ARL15: variants seen among roughly 807,000 people sequenced by gnomAD.
ARL15 encodes the protein ARF like GTPase 15.
ARL15 carries 19 observed loss-of-function variants against 25.2 expected under a neutral mutation model. The ratio of observed to expected loss-of-function variants is 0.75; its 90% CI spans 0.53 to 1.10. The LOEUF is 1.10. ARL15 is among the 50% of genes least tolerant of loss of function. ARL15 has a pLI of 0.00. For missense variants in ARL15, 220 were observed against 246.0 expected (o/e 0.89, Z 0.71); for synonymous variants, 94 against 86.8 (o/e 1.08, Z -0.46).
At chr5:54,253,035 G>GC (rs1554050646) in intron 1 of ARL15, among the ~76,000 whole-genome samples, 1 of 150,448 alleles carries the variant, frequency 6.6e-6, no homozygotes, top group Non-Finnish European at 1.5e-5. Flanking sequence ...CAGAGGTCAA[G>GC]TTTTTTTTTT....
At chr5:54,165,938 C>A (rs771745340) in intron 2 of ARL15, among the ~76,000 whole-genome samples, 16 of 151,984 alleles carry the variant, frequency 1.1e-4, no homozygotes, top group Non-Finnish European at 2.2e-4. Flanking sequence ...TTATTCTATT[C>A]AGGCCTTCAA....
chr5:54,289,803 T>C (rs1372306091), intron 1 of ARL15, among the ~76,000 whole-genome samples: 7 of 152,180 alleles, frequency 4.6e-5, no homozygotes, highest in African/African-American at 1.4e-4. Context: ...TAAAAGGAAA[T>C]ACAGTAAGCT....
intron 4 of ARL15, among the ~76,000 whole-genome samples, chr5:53,902,353 T>C (rs1335550019): frequency 6.6e-6 from 1 of 152,196 alleles, no homozygotes; most frequent in Non-Finnish European, 1.5e-5. Flanking sequence ...ATTGGCCAAC[T>C]CAAGGGATTC....
intron 4 of ARL15, among the ~76,000 whole-genome samples, chr5:54,045,465 A>T (rs1750476247): frequency 6.6e-6 from 1 of 152,212 alleles, no homozygotes; most frequent in African/African-American, 2.4e-5. Context: ...TTAAAGTGTG[A>T]CTAGATGCAC....
At chr5:54,131,116 T>G (rs772861889) in intron 3 of ARL15, among the ~76,000 whole-genome samples, 18 of 152,164 alleles carry the variant, frequency 1.2e-4, no homozygotes, top group Non-Finnish European at 2.2e-4. Context: ...TGTCATCACC[T>G]CTAGCAGTAA....
chr5:54,038,917 C>A (rs144473270), intron 4 of ARL15, among the ~76,000 whole-genome samples: 1 of 152,230 alleles, frequency 6.6e-6, no homozygotes, highest in African/African-American at 2.4e-5. Context: ...TATGCCTTTA[C>A]AATTCTTTTT....
chr5:53,978,825 C>G (rs1580136369), intron 4 of ARL15, among the ~76,000 whole-genome samples: 1 of 151,968 alleles, frequency 6.6e-6, no homozygotes, highest in African/African-American at 2.4e-5. Flanking sequence ...AGAAGCACAA[C>G]CAATTGAGGT....
chr5:53,912,420 C>G (rs7726392), intron 4 of ARL15, among the ~76,000 whole-genome samples: 4,089 of 152,132 alleles, frequency 0.027, 182 homozygotes, highest in African/African-American at 0.096. Context: ...GAAATGAAAT[C>G]CAACAGTATG....
intron 4 of ARL15, among the ~76,000 whole-genome samples, chr5:53,900,195 T>C (rs1219936112): frequency 6.6e-6 from 1 of 152,176 alleles, no homozygotes; most frequent in South Asian, 2.1e-4. Context: ...AAGCTGAGGT[T>C]TGGTTTCTAG....
intron 4 of ARL15, among the ~76,000 whole-genome samples, chr5:54,031,993 T>C (rs1430962454): frequency 6.6e-6 from 1 of 152,198 alleles, no homozygotes; most frequent in Non-Finnish European, 1.5e-5. Flanking sequence ...AAATAATATA[T>C]AATTGGCATG....
intron 4 of ARL15, among the ~76,000 whole-genome samples, chr5:53,916,292 T>TAAA (rs774093108): frequency 0.18 from 3,398 of 18,526 alleles, 58 homozygotes; most frequent in Non-Finnish European, 0.39. Context: ...AAATGTAATA[T>TAAA]TAAAAAAAAA....
At chr5:54,214,912 A>G (rs1278283698) in intron 1 of ARL15, among the ~76,000 whole-genome samples, 1 of 152,154 alleles carries the variant, frequency 6.6e-6, no homozygotes, top group Admixed American at 6.5e-5. Context: ...GAATGGACAT[A>G]CTGCCTGTCA....
chr5:54,272,359 T>C (rs1407642890), intron 1 of ARL15, among the ~76,000 whole-genome samples: 4 of 151,996 alleles, frequency 2.6e-5, no homozygotes, highest in Admixed American at 2.6e-4. Flanking sequence ...CAAAACAAAT[T>C]ATTCTTCCTA....
rs1744437913 is a variant in ARL15, at chr5:53,884,134, G to A, written c.*2427C>T. 6.6e-6 allele frequency: 1 copy of A among 152,206 alleles called. No homozygotes were observed. The highest frequency in any genetic ancestry group is 1.5e-5 in the Non-Finnish European group (1 of 68,016). The allele number at this position is 152,206 out of a possible 1,614,324, so 9.4% of individuals were successfully genotyped here. On this transcript the variant is annotated 3_prime_UTR_variant, in exon 5 of 5. Transcript: ENST00000504924. ...GCAACCAATACTGTCAACTACAGTGGATACAAAGTTTTATCATATAAATTA... is the reference window on the plus strand; with the variant it reads ...GCAACCAATACTGTCAACTACAGTGAATACAAAGTTTTATCATATAAATTA...
At chr5:54,115,499 T>C (rs1231881453) in intron 3 of ARL15, among the ~76,000 whole-genome samples, 1 of 152,154 alleles carries the variant, frequency 6.6e-6, no homozygotes, top group Non-Finnish European at 1.5e-5. Context: ...ACAGCTCCCA[T>C]TTATTAAACA....
chr5:53,936,044 G>A (rs569469253), intron 4 of ARL15, among the ~76,000 whole-genome samples: 4 of 152,020 alleles, frequency 2.6e-5, no homozygotes, highest in East Asian at 3.9e-4. Flanking sequence ...CATCGTGCCC[G>A]GCCTCTGAGG....
At chr5:54,178,816 T>C (rs1223584296) in intron 1 of ARL15, among the ~76,000 whole-genome samples, 1 of 152,212 alleles carries the variant, frequency 6.6e-6, no homozygotes, top group Non-Finnish European at 1.5e-5. Flanking sequence ...TAACAGTCAG[T>C]TATGGCTCTG....
intron 1 of ARL15, among the ~76,000 whole-genome samples, chr5:54,217,215 TA>T (rs1334045702): frequency 1.5e-4 from 19 of 123,542 alleles, no homozygotes; most frequent in Admixed American, 4.7e-4. Context: ...TTTTTTTTTT[TA>T]AAAAGGGAGA....
At chr5:53,925,759 G>A (rs1745998285) in intron 4 of ARL15, among the ~76,000 whole-genome samples, 1 of 152,016 alleles carries the variant, frequency 6.6e-6, no homozygotes, top group Non-Finnish European at 1.5e-5. Flanking sequence ...AGTGAGCACC[G>A]ATCACACCAC....
Sources: gnomAD v4.1 joint callset for allele counts (sites outside exome capture counted in the v4.1 genomes callset) on GRCh38, gnomAD v4.1.1 for gene constraint, MANE v1.5 for transcripts, NCBI Gene and HGNC (gene_info 2026-07-23, HGNC 2026-07-21) for gene names.